LTF: variants seen among roughly 807,000 people sequenced by gnomAD.
The protein encoded by LTF is lactotransferrin.
LTF carries 91 observed loss-of-function variants against 87.2 expected under a neutral mutation model. That is an observed-to-expected ratio of 1.04 (90% CI 0.88 to 1.24). LTF has a LOEUF of 1.24. LTF is among the 50% of genes most tolerant of loss of function. The probability of loss-of-function intolerance (pLI) is 0.00; values close to 1 mark genes in which losing one functional copy is unlikely to be tolerated. For synonymous variants in LTF, 378 were observed against 356.1 expected (o/e 1.06, Z -0.69); for missense variants, 901 against 904.3 (o/e 1.00, Z 0.05).
chr3:46,447,408 C>G lies in LTF; in HGVS notation c.1213-10G>C. 1 of 1,594,882 alleles carries G rather than the reference C, an allele frequency of 6.3e-7. No individual in the cohort carries two copies. Among genetic ancestry groups the G allele is most frequent in the Non-Finnish European group, 8.6e-7 (1 of 1,162,822 alleles). ...CATCAGCTTCTCCTTTCTGCAAAGA[C>G]AGAGCAGATCTCCAGCACCACAGTG... On this transcript the variant is annotated splice_polypyrimidine_tract_variant and intron_variant, in intron 9 of 16. Transcript: ENST00000231751.
intron 1 of LTF, among the ~76,000 whole-genome samples, chr3:46,476,722 G>T (rs1275581668): frequency 6.6e-6 from 1 of 152,166 alleles, no homozygotes; most frequent in Admixed American, 6.5e-5. Flanking sequence ...TACCCCAGAG[G>T]TGATCACTAT....
At chr3:46,443,864 C>G (rs958363248) in intron 12 of LTF, among the ~76,000 whole-genome samples, 3 of 152,206 alleles carry the variant, frequency 2.0e-5, no homozygotes, top group African/African-American at 7.2e-5. Flanking sequence ...GAGCTGGGGA[C>G]TCAGCTCATG....
At chr3:46,438,407 C>T (rs899066690) in intron 15 of LTF, among the ~76,000 whole-genome samples, 7 of 152,230 alleles carry the variant, frequency 4.6e-5, no homozygotes, top group African/African-American at 1.7e-4. Flanking sequence ...GACCTTTTCC[C>T]ATACAACTTC....
chr3:46,437,306 C>T (rs1443392706), intron 16 of LTF, among the ~76,000 whole-genome samples: 1 of 146,606 alleles, frequency 6.8e-6, no homozygotes. Context: ...TCTATGGTAA[C>T]TGTCTAGAAT....
intron 1 of LTF, among the ~76,000 whole-genome samples, chr3:46,473,421 A>G (rs1020012408): frequency 2.0e-5 from 3 of 152,248 alleles, no homozygotes; most frequent in African/African-American, 7.2e-5. Context: ...ATCAAGATGG[A>G]GTAGGCATAT....
At chr3:46,455,504 C>T (rs1404622592) in intron 4 of LTF, 62 bp from the exon 5 acceptor site, 1 of 1,601,006 alleles carries the variant, frequency 6.2e-7, no homozygotes, top group Middle Eastern at 1.7e-4. Context: ...GCAGGTTACA[C>T]CTCCCATCCT....
At chr3:46,478,491 G>C (rs892329732) in intron 1 of LTF, among the ~76,000 whole-genome samples, 7 of 152,214 alleles carry the variant, frequency 4.6e-5, no homozygotes, top group African/African-American at 1.7e-4. Flanking sequence ...TCCCTAGAGA[G>C]TGCCAGGGAC....
intron 6 of LTF, among the ~76,000 whole-genome samples, chr3:46,452,375 G>A (rs1376587695): frequency 6.6e-6 from 1 of 152,152 alleles, no homozygotes; most frequent in African/African-American, 2.4e-5. Flanking sequence ...GTGATCAAAT[G>A]GGGGAGATTT....
intron 2 of LTF, among the ~76,000 whole-genome samples, chr3:46,458,573 T>C (rs1415557927): frequency 6.6e-6 from 1 of 152,154 alleles, no homozygotes; most frequent in Non-Finnish European, 1.5e-5. Flanking sequence ...TGGTTTTTTG[T>C]TTTTGTTTTT....
At chr3:46,467,527 CA>C (rs779007992), upstream of LTF, among the ~76,000 whole-genome samples, 43 of 152,088 alleles carry the variant, frequency 2.8e-4, no homozygotes, top group Non-Finnish European at 5.7e-4. Context: ...AGTAAACAAC[CA>C]AACAAGTAAA....
chr3:46,445,766 A>G (rs371168797), intron 11 of LTF, among the ~76,000 whole-genome samples: 48 of 152,298 alleles, frequency 3.2e-4, no homozygotes, highest in African/African-American at 1.1e-3. Context: ...AACACTATAA[A>G]CAACAAGAGA....
intron 1 of LTF, among the ~76,000 whole-genome samples, chr3:46,482,659 A>AGAAGGAAGGAAG (rs1206921702): frequency 4.8e-4 from 29 of 60,266 alleles, no homozygotes; most frequent in South Asian, 2.5e-3. Context: ...AAAGAAAGAA[A>AGAAGGAAGGAAG]GAAGGAAGGA....
chr3:46,445,346 T>C lies in LTF; in HGVS notation c.1448A>G (p.Asp483Gly), dbSNP rs966137454. 6.2e-7 allele frequency: 1 copy of C among 1,613,954 alleles called. No homozygotes were observed. The highest frequency in any genetic ancestry group is 8.5e-7 in the Non-Finnish European group (1 of 1,179,860). Reference sequence around the variant, plus strand: ...GGGGATATTCCAGCCTGCAGTCCTGTCCACGGCGGTGTGGCAGGACTTCTT... The same window carrying C: ...GGGGATATTCCAGCCTGCAGTCCTGCCCACGGCGGTGTGGCAGGACTTCTT... ...KGKKSCHTAV[D>G]RTAGWNIPMG... Residue 483 changes from aspartate (D) to glycine (G), a missense_variant, in exon 12 of 17, where the codon GAC becomes GGC. By Grantham distance (94) the Asp-to-Gly change is moderately conservative. Transcript: ENST00000231751.
chr3:46,450,056 G>A (rs751861296), intron 7 of LTF, 28 bp from the exon 8 acceptor site: 1 of 1,540,586 alleles, frequency 6.5e-7, no homozygotes, highest in African/African-American at 1.4e-5. Flanking sequence ...GAATTATGGT[G>A]TCAATGGTAA....
At position 46,449,944 on chromosome 3, in the gene LTF, C is replaced by A; in HGVS notation, c.967G>T (p.Ala323Ser). The A allele has an allele frequency of 1.9e-6, 3 of 1,614,192 alleles. No homozygotes were observed. Among genetic ancestry groups the A allele is most frequent in the Non-Finnish European group, 2.5e-6 (3 of 1,180,028 alleles). Residue 323 changes from alanine (A) to serine (S), a missense_variant, in exon 8 of 17, where the codon GCC (alanine) becomes TCC (serine). Ala to Ser is a moderately conservative substitution (Grantham distance 99). Coordinates refer to ENST00000231751, the MANE Select transcript of LTF (RefSeq NM_002343.6). ...GGGGGCACCCTCGAAAACCCAATGG[C>A]AGAGTCCTTGAACAGCAGATCTTTC... is the stretch of plus-strand genomic sequence containing the variant. Reference protein sequence around the residue: ...GQKDLLFKDSAIGFSRVPPRI... With the variant: ...GQKDLLFKDSSIGFSRVPPRI...
intron 15 of LTF, among the ~76,000 whole-genome samples, 200 bp from the exon 16 acceptor site, chr3:46,438,329 T>C (rs1005714733): frequency 3.9e-5 from 6 of 152,292 alleles, no homozygotes; most frequent in Non-Finnish European, 8.8e-5. Flanking sequence ...TTGGGCAGCA[T>C]CCAGGCCTCG....
chr3:46,476,539 T>A (rs1171156036), intron 1 of LTF, among the ~76,000 whole-genome samples: 1 of 152,220 alleles, frequency 6.6e-6, no homozygotes, highest in Non-Finnish European at 1.5e-5. Flanking sequence ...AAAAACACAC[T>A]TTTTATTAAA....
chr3:46,437,510 A>G (rs938261901), intron 16 of LTF, among the ~76,000 whole-genome samples: 1 of 151,854 alleles, frequency 6.6e-6, no homozygotes, highest in African/African-American at 2.4e-5. Context: ...TTTTTGTAGA[A>G]CAAGGTCTCT....
At chr3:46,439,539 T>G in intron 14 of LTF, 59 bp from the exon 15 acceptor site, 4 of 1,492,170 alleles carry the variant, frequency 2.7e-6, no homozygotes, top group Non-Finnish European at 2.7e-6. Flanking sequence ...AAGAAGTCTC[T>G]TCTGGGTGGG....
Sources: gnomAD v4.1 joint callset for allele counts (sites outside exome capture counted in the v4.1 genomes callset) on GRCh38, gnomAD v4.1.1 for gene constraint, MANE v1.5 for transcripts, NCBI Gene and HGNC (gene_info 2026-07-23, HGNC 2026-07-21) for gene names.